Variants in MCM3AP observed in about 807,000 individuals in gnomAD.
MCM3AP encodes the protein minichromosome maintenance complex component 3 associated protein.
Under a neutral mutation model 184.1 loss-of-function variants are expected in MCM3AP, and 126 were observed. The ratio of observed to expected loss-of-function variants is 0.68; its 90% CI spans 0.59 to 0.79. The LOEUF (loss-of-function observed/expected upper bound fraction) is 0.79, where lower values mean the gene tolerates loss of function less well. Ranked by LOEUF, MCM3AP falls within the 30% of genes least tolerant of loss-of-function variation. The pLI is 0.00. For synonymous variants in MCM3AP, 1,002 were observed against 979.3 expected, an observed-to-expected ratio of 1.02 and a Z score of -0.43; for missense variants, 2,496 against 2,479.2, an observed-to-expected ratio of 1.01 and a Z score of -0.14.
chr21:46,280,120 A>G lies in MCM3AP; in HGVS notation c.1540T>C (p.Phe514Leu). ...CCTGGTTTCTTCTCCTTCAGGGAAA[A>G]GGGTTTCTTATTGGGGCCTGTGGAC... ...RKKISPNKKP[F>L]SLKEKKPGDG... The change falls in exon 4 of 28, where the codon TTT (phenylalanine) becomes CTT (leucine). Residue 514 changes from phenylalanine (F) to leucine (L), a missense_variant. By Grantham distance (22) the Phe-to-Leu change is conservative. Around this residue, in one of 5 missense-constraint regions of MCM3AP, gnomAD observed 800 missense variants for 717.1 expected, o/e 1.12. Transcript: ENST00000291688. The G allele has an allele frequency of 1.9e-6, 3 of 1,614,118 alleles. No individual in the cohort carries two copies. The highest frequency in any genetic ancestry group is 2.5e-6 in the Non-Finnish European group (3 of 1,179,994).
At chr21:46,249,329 A>G (rs1227732623) in intron 20 of MCM3AP, among the ~76,000 whole-genome samples, 1 of 152,136 alleles carries the variant, frequency 6.6e-6, no homozygotes, top group Non-Finnish European at 1.5e-5. Context: ...CTAGAACTAC[A>G]GGCACACACC....
chr21:46,272,881 A>T, intron 7 of MCM3AP, 52 bp from the exon 8 acceptor site: 5 of 1,500,104 alleles, frequency 3.3e-6, no homozygotes, highest in Middle Eastern at 4.4e-4. Context: ...GCAAAGAGGC[A>T]ACCGTGAGAA....
intron 26 of MCM3AP, among the ~76,000 whole-genome samples, chr21:46,240,341 G>T (rs930756216): frequency 6.6e-6 from 1 of 152,100 alleles, no homozygotes; most frequent in African/African-American, 2.4e-5. Context: ...TCAGTAAAAT[G>T]GTAAACATGG....
chr21:46,253,050 G>A (rs919544857), intron 19 of MCM3AP: 1 of 152,186 alleles, frequency 6.6e-6, no homozygotes, highest in African/African-American at 2.4e-5. Context: ...GAGGTGAGAA[G>A]ATCAGTTGAG....
chr21:46,286,024 CCCCGGGCTCG>C (rs1472329096), upstream of MCM3AP: 5 of 152,266 alleles, frequency 3.3e-5, no homozygotes, highest in Non-Finnish European at 5.9e-5. Context: ...CACTGTCCCG[CCCCGGGCTCG>C]CCAGGGGTCG....
chr21:46,265,793 C>T (rs1038380323), intron 11 of MCM3AP, 132 bp downstream of exon 11: 1 of 1,168,762 alleles, frequency 8.6e-7, no homozygotes, highest in Non-Finnish European at 1.2e-6. Context: ...CACCCCTGGG[C>T]CCCAAGACAA....
intron 20 of MCM3AP, chr21:46,251,294 T>G (rs190201169): frequency 1.2e-4 from 47 of 376,550 alleles, no homozygotes; most frequent in African/African-American, 8.6e-4. Flanking sequence ...ATATATAGTA[T>G]TAAAACAGAA....
At chr21:46,255,613 G>A (rs1194918862) in intron 17 of MCM3AP, among the ~76,000 whole-genome samples, 1 of 152,160 alleles carries the variant, frequency 6.6e-6, no homozygotes, top group Non-Finnish European at 1.5e-5. Flanking sequence ...GGAAGGGGCA[G>A]GGTGGGGAAA....
chr21:46,236,274 A>G (rs1052958437), intron 27 of MCM3AP: 1 of 152,268 alleles, frequency 6.6e-6, no homozygotes, highest in East Asian at 1.9e-4. Context: ...TCAGTGGCAC[A>G]TATCTGTGAT....
rs910493676 is a variant in MCM3AP at position 46,272,813 on chromosome 21, T to C, written c.2213A>G (p.His738Arg). Reference protein sequence around the residue: ...RGIRKDITQQHLCDPLTVSLI... With the variant: ...RGIRKDITQQRLCDPLTVSLI... ...GGACACCGTCAGGGGGTCACAGAGG[T>C]GCTGCTGCGTGATATCCTGGCCACA... is the stretch of plus-strand genomic sequence containing the variant. The change falls in exon 8 of 28, where the codon CAC becomes CGC. Residue 738 changes from histidine to arginine, a missense_variant. Transcript: ENST00000291688. 2 of 1,596,116 alleles carry C rather than the reference T, an allele frequency of 1.3e-6. No homozygotes were observed. The highest frequency in any genetic ancestry group is 1.7e-6 in the Non-Finnish European group (2 of 1,169,896).
Position 46,245,060 on chromosome 21 carries a change from CCT to C in MCM3AP, c.4783_4784del (p.Arg1595AlafsTer15), listed in dbSNP as rs750374326. On this transcript the variant is annotated frameshift_variant, in exon 23 of 28. Transcript: ENST00000291688. LOFTEE classifies it high-confidence loss of function. ...SGRFFHDRRE[R>X]RLGGLASQEP... ...CCTGAGAAGCAAGACCGCCCAGACG[CCT>C]CTCTCTTCTGTCATGGAAAAAGCGG... The C allele has an allele frequency of 1.9e-6, 3 of 1,614,094 alleles. No homozygotes were observed. Among genetic ancestry groups the C allele is most frequent in the Non-Finnish European group, 2.5e-6 (3 of 1,180,054 alleles).
At chr21:46,244,365 G>T (rs1601489252) in intron 23 of MCM3AP, among the ~76,000 whole-genome samples, 3 of 152,336 alleles carry the variant, frequency 2.0e-5, no homozygotes, top group Admixed American at 2.0e-4. Flanking sequence ...ATAGAAGAAG[G>T]CCTCTTTGAC....
In MCM3AP at chr21:46,266,049, C is replaced by T; in HGVS notation, c.2907G>A (p.Gly969=). Residue 969 remains glycine (G), a synonymous_variant, in exon 11 of 28, where the codon GGG becomes GGA. Coordinates refer to ENST00000291688, the MANE Select transcript of MCM3AP (RefSeq NM_003906.5). ...TATGACGAGGGACGGGGGGCAATGG[C>T]CCTCCGTTCACAATTTCCCCGACTG... is the stretch of plus-strand genomic sequence containing the variant. ...TVSVGEIVNG[G]PLPPVPRHTP... 1.9e-6 allele frequency: 3 copies of T among 1,612,284 alleles called. No homozygotes were observed. The highest frequency in any genetic ancestry group is 2.5e-6 in the Non-Finnish European group (3 of 1,179,264).
At chr21:46,243,201 T>C (rs1035872746) in intron 24 of MCM3AP, among the ~76,000 whole-genome samples, 1 of 152,070 alleles carries the variant, frequency 6.6e-6, no homozygotes, top group Non-Finnish European at 1.5e-5. Flanking sequence ...GCAGGGCCAG[T>C]AATGACTACT....
chr21:46,249,774 T>C (rs2123845564), intron 20 of MCM3AP: 1 of 298,028 alleles, frequency 3.4e-6, no homozygotes, highest in Non-Finnish European at 6.6e-6. Context: ...TTTGCACTCA[T>C]TTTATCCTCA....
At chr21:46,266,376 C>T (rs1266936310) in intron 10 of MCM3AP, 4 of 461,108 alleles carry the variant, frequency 8.7e-6, no homozygotes, top group Admixed American at 4.0e-5. Flanking sequence ...AACAGACGCA[C>T]GCTGACTCAC....
rs529927309 is a variant in MCM3AP, at chr21:46,247,098, A to G, written c.4291-212T>C. The stretch of plus-strand genomic sequence containing the variant: ...CCTGGCCCCTCTTTCCCTAAATCCA[A>G]TTGTTAGCAAAGACTCCCCTCAACC... On this transcript the variant is annotated intron_variant, in intron 20 of 27. Coordinates refer to ENST00000291688, the MANE Select transcript of MCM3AP (RefSeq NM_003906.5). 4 of 524,432 alleles carry G rather than the reference A, an allele frequency of 7.6e-6. No individual in the cohort carries two copies. The East Asian group carries it at 9.0e-5, about 12-fold the overall frequency. 32.5% of individuals were successfully genotyped at this position (524,432 alleles called of 1,614,324 possible). A position where few individuals can be genotyped will look rare whatever the true frequency, so the allele number is the denominator to read the frequency against.
intron 10 of MCM3AP, chr21:46,266,372 C>T (rs1437451849): frequency 4.2e-6 from 2 of 470,860 alleles, no homozygotes; most frequent in Admixed American, 4.0e-5. Flanking sequence ...TGTTAACAGA[C>T]GCACGCTGAC....
At position 46,283,536 on chromosome 21, in the gene MCM3AP, G is replaced by C. The variant is rs1282849181; in HGVS notation, c.1443+79C>G. 27 of 906,232 alleles carry C rather than the reference G, an allele frequency of 3.0e-5. No individual in the cohort carries two copies. The East Asian group carries it at 6.4e-4, about 22-fold the overall frequency. The allele number at this position is 906,232 out of a possible 1,614,324, so 56.1% of individuals were successfully genotyped here. ...TATATTATAGTAAGCAAACAACTGA[G>C]GGACCAAAAAAAAAAAACAGGTTTT... On this transcript the variant is annotated intron_variant, in intron 2 of 27. Transcript: ENST00000291688.
Sources: gnomAD v4.1 joint callset for allele counts (sites outside exome capture counted in the v4.1 genomes callset) on GRCh38, gnomAD v4.1.1 for gene constraint, gnomAD v4.1.1 regional missense constraint, MANE v1.5 for transcripts, NCBI Gene and HGNC (gene_info 2026-07-23, HGNC 2026-07-21) for gene names.